LYZL4: variants seen among roughly 807,000 people sequenced by gnomAD.
LYZL4 encodes the protein lysozyme-like protein 4.
Under a neutral mutation model 17.6 loss-of-function variants are expected in LYZL4, and 13 were observed. The ratio of observed to expected loss-of-function variants is 0.74; its 90% CI spans 0.48 to 1.18. LYZL4 has a LOEUF of 1.18. Ranked by LOEUF, LYZL4 falls within the 50% of genes most tolerant of loss-of-function variation. The pLI is 0.00. For missense variants in LYZL4, 174 were observed against 188.2 expected, an observed-to-expected ratio of 0.92 and a Z score of 0.44; for synonymous variants, 64 against 67.7, an observed-to-expected ratio of 0.95 and a Z score of 0.27.
intron 3 of LYZL4, among the ~76,000 whole-genome samples, chr3:42,404,925 G>A (rs1698722353): frequency 6.6e-6 from 1 of 152,102 alleles, no homozygotes; most frequent in African/African-American, 2.4e-5. Flanking sequence ...TGTGATTGTT[G>A]TAATTCACTA....
At chr3:42,381,255 C>A in the LYZL4 span, among the ~76,000 whole-genome samples, 1 of 152,206 alleles carries the variant, frequency 6.6e-6, no homozygotes, top group South Asian at 2.1e-4. Context: ...TTAAACTATT[C>A]CTTGACCCCC....
rs781322974 is a variant in LYZL4 at position 42,406,988 on chromosome 3, C to T, written c.150G>A (p.Leu50=). The change falls in exon 3 of 5, where the codon CTG becomes CTA. Residue 50 remains leucine, a synonymous_variant. Transcript: ENST00000287748. The part of the protein sequence containing the change: ...EGYSLENWVC[L]AYFESKFNPM... Reference sequence around the variant, plus strand: ...GGTTGAACTTGCTCTCGAAGTAGGCCAGGCACACCCCTAAGATGGAACAGA... The same window carrying T: ...GGTTGAACTTGCTCTCGAAGTAGGCTAGGCACACCCCTAAGATGGAACAGA... 3.1e-6 allele frequency: 5 copies of T among 1,614,196 alleles called. No homozygotes were observed. The highest frequency in any genetic ancestry group is 4.2e-6 in the Non-Finnish European group (5 of 1,180,040).
chr3:42,404,240 T>C, intron 3 of LYZL4, 116 bp from the exon 4 acceptor site: 1 of 580,056 alleles, frequency 1.7e-6, no homozygotes. Flanking sequence ...ATTCCAAGAA[T>C]AAATCTATCC....
downstream of LYZL4, among the ~76,000 whole-genome samples, chr3:42,394,724 G>A (rs1698528728): frequency 6.6e-6 from 1 of 152,172 alleles, no homozygotes; most frequent in Non-Finnish European, 1.5e-5. Flanking sequence ...GAGAGAGGCT[G>A]TTCCAATCAA....
the LYZL4 span, among the ~76,000 whole-genome samples, chr3:42,385,921 G>T: frequency 6.6e-6 from 1 of 152,272 alleles, no homozygotes; most frequent in South Asian, 2.1e-4. Context: ...AAACACAATT[G>T]TGTTAACTGA....
chr3:42,375,188 C>T, the LYZL4 span, among the ~76,000 whole-genome samples: 4 of 152,296 alleles, frequency 2.6e-5, no homozygotes, highest in Admixed American at 1.3e-4. Context: ...CACCAAGAGC[C>T]ATTCTGAGTT....
chr3:42,406,730 C>A (rs1698760865), intron 3 of LYZL4, 116 bp downstream of exon 3: 1 of 1,326,872 alleles, frequency 7.5e-7, no homozygotes, highest in African/African-American at 1.4e-5. Context: ...GGATATGGCT[C>A]CTGCCACACC....
chr3:42,394,541 T>C (rs1357838257), downstream of LYZL4, among the ~76,000 whole-genome samples: 1 of 152,208 alleles, frequency 6.6e-6, no homozygotes, highest in Non-Finnish European at 1.5e-5. Context: ...GTGTAATATT[T>C]ATATGGTTGG....
the LYZL4 span, among the ~76,000 whole-genome samples, chr3:42,390,610 G>A: frequency 2.0e-5 from 3 of 151,674 alleles, no homozygotes; most frequent in South Asian, 4.2e-4. Context: ...GCACGATCTC[G>A]GCTCACTGAA....
At chr3:42,377,623 C>A in the LYZL4 span, among the ~76,000 whole-genome samples, 315 of 92,618 alleles carry the variant, frequency 3.4e-3, no homozygotes, top group African/African-American at 0.014. Flanking sequence ...ATGCATGACT[C>A]TCTGTGTGTG....
At chr3:42,380,955 A>G in the LYZL4 span, among the ~76,000 whole-genome samples, 1 of 152,208 alleles carries the variant, frequency 6.6e-6, no homozygotes, top group Admixed American at 6.5e-5. Flanking sequence ...GGCATAAAAT[A>G]TAGTTGTGTG....
At chr3:42,369,675 GC>G in the LYZL4 span, among the ~76,000 whole-genome samples, 2 of 152,358 alleles carry the variant, frequency 1.3e-5, no homozygotes, top group Admixed American at 6.5e-5. Context: ...AACTTTGGGA[GC>G]TTTGCTCCCC....
At chr3:42,380,710 A>G in the LYZL4 span, among the ~76,000 whole-genome samples, 3 of 152,188 alleles carry the variant, frequency 2.0e-5, no homozygotes, top group Admixed American at 2.0e-4. Flanking sequence ...AGACATCTAC[A>G]TTACAGGATT....
At chr3:42,386,260 G>A in the LYZL4 span, among the ~76,000 whole-genome samples, 4 of 151,936 alleles carry the variant, frequency 2.6e-5, no homozygotes, top group Admixed American at 1.3e-4. Context: ...CTGCCACCAC[G>A]CCTGGCTAAT....
intron 1 of LYZL4, 104 bp from the exon 2 acceptor site, chr3:42,407,447 C>CCCAGATTTGCAGTG: frequency 1.5e-6 from 1 of 673,656 alleles, no homozygotes. Flanking sequence ...TGCTTCGTGT[C>CCCAGATTTGCAGTG]ACTGCAAATC....
chr3:42,365,712 T>C, the LYZL4 span, among the ~76,000 whole-genome samples: 2 of 152,162 alleles, frequency 1.3e-5, no homozygotes, highest in African/African-American at 4.8e-5. Context: ...ATACTACTAC[T>C]ACAGGGGAAT....
At chr3:42,394,879 T>C (rs1698530789), downstream of LYZL4, among the ~76,000 whole-genome samples, 1 of 152,230 alleles carries the variant, frequency 6.6e-6, no homozygotes, top group African/African-American at 2.4e-5. Flanking sequence ...AGTGTTTTCA[T>C]CAATTGCAGG....
chr3:42,365,925 A>T, the LYZL4 span, among the ~76,000 whole-genome samples: 1 of 152,224 alleles, frequency 6.6e-6, no homozygotes, highest in African/African-American at 2.4e-5. Flanking sequence ...CAAGTAAAAC[A>T]GCTACTTAGA....
intron 3 of LYZL4, among the ~76,000 whole-genome samples, chr3:42,406,322 C>T (rs531818170): frequency 6.1e-4 from 93 of 151,802 alleles, no homozygotes; most frequent in East Asian, 2.5e-3. Flanking sequence ...GGCATAGTGG[C>T]GGGCGCCTGT....
Sources: gnomAD v4.1 joint callset for allele counts (sites outside exome capture counted in the v4.1 genomes callset) on GRCh38, gnomAD v4.1.1 for gene constraint, MANE v1.5 for transcripts, NCBI Gene and HGNC (gene_info 2026-07-23, HGNC 2026-07-21) for gene names.